The following PWWP2A variants were observed in gnomAD, a reference collection of about 807,000 sequenced individuals.
PWWP2A encodes the protein PWWP domain containing 2A, also known as PWWP domain-containing protein 2A.
PWWP2A carries 18 observed loss-of-function variants against 48.5 expected under a neutral mutation model. The observed-to-expected ratio is 0.37, with a 90% CI of 0.26 to 0.55. The LOEUF is 0.55. PWWP2A is among the 20% of genes least tolerant of loss of function. PWWP2A has a pLI of 0.81. For missense variants in PWWP2A, 867 were observed against 976.4 expected, an observed-to-expected ratio of 0.89 and a Z score of 1.49; for synonymous variants, 396 against 387.7, an observed-to-expected ratio of 1.02 and a Z score of -0.25.
chr5:160,075,990 C>CA lies in PWWP2A; in HGVS notation c.*2164dup, dbSNP rs533232706. On this transcript the variant is annotated 3_prime_UTR_variant, in exon 4 of 4. Coordinates refer to the PWWP2A transcript ENST00000456329. ...AAACAATTTTTATCATTCAAGTCTACAAAACAAAATAGGCTTATGAAGATT... is the reference window on the plus strand; with the variant it reads ...AAACAATTTTTATCATTCAAGTCTACAAAAACAAAATAGGCTTATGAAGATT... The CA allele has an allele frequency of 5.6e-3, 856 of 151,942 alleles. 13 individuals carry two copies. The highest frequency in any genetic ancestry group is 0.02 in the African/African-American group (819 of 41,424). 9.4% of individuals were successfully genotyped at this position (151,942 alleles called of 1,614,324 possible).
At chr5:160,095,960 T>C (rs1755606404) in intron 1 of PWWP2A, among the ~76,000 whole-genome samples, 1 of 152,112 alleles carries the variant, frequency 6.6e-6, no homozygotes, top group Non-Finnish European at 1.5e-5. Flanking sequence ...AGTGCTGGGA[T>C]TACAGACGTG....
At chr5:160,055,921 GCT>G in the PWWP2A span, among the ~76,000 whole-genome samples, 1 of 152,242 alleles carries the variant, frequency 6.6e-6, no homozygotes, top group African/African-American at 2.4e-5. Flanking sequence ...TCAGATCTCA[GCT>G]CTCTATTTGG....
chr5:160,053,428 C>G, the PWWP2A span, among the ~76,000 whole-genome samples: 1 of 152,018 alleles, frequency 6.6e-6, no homozygotes, highest in Non-Finnish European at 1.5e-5. Context: ...GCCAGGTGTG[C>G]TGGTGTGCAC....
chr5:160,112,006 A>G (rs1399682857), intron 1 of PWWP2A, among the ~76,000 whole-genome samples: 2 of 151,460 alleles, frequency 1.3e-5, no homozygotes, highest in Non-Finnish European at 2.9e-5. Context: ...ATGCACCTGT[A>G]GCTGCAGCTA....
chr5:160,071,487 G>A (rs1753737734), downstream of PWWP2A, among the ~76,000 whole-genome samples: 1 of 152,202 alleles, frequency 6.6e-6, no homozygotes, highest in African/African-American at 2.4e-5. Context: ...CAGTTCTGCA[G>A]AACTTGGGAT....
At chr5:160,095,957 G>A (rs1755606101) in intron 1 of PWWP2A, among the ~76,000 whole-genome samples, 1 of 151,908 alleles carries the variant, frequency 6.6e-6, no homozygotes, top group South Asian at 2.1e-4. Flanking sequence ...CAAAGTGCTG[G>A]GATTACAGAC....
the PWWP2A span, among the ~76,000 whole-genome samples, chr5:160,047,857 C>T: frequency 4.2e-3 from 644 of 152,248 alleles, 3 homozygotes; most frequent in African/African-American, 0.015. Flanking sequence ...CCTCATTTCT[C>T]GCTTCACTTG....
chr5:160,099,531 C>T (rs984552464), intron 1 of PWWP2A, among the ~76,000 whole-genome samples: 1 of 152,068 alleles, frequency 6.6e-6, no homozygotes, highest in African/African-American at 2.4e-5. Context: ...CTCCCTATGT[C>T]GCCCAGAGTA....
chr5:160,116,148 G>T (rs1758117212), intron 1 of PWWP2A, among the ~76,000 whole-genome samples: 1 of 152,084 alleles, frequency 6.6e-6, no homozygotes, highest in Admixed American at 6.6e-5. Context: ...TCCACCTCCA[G>T]GGCTCAAGAG....
At chr5:160,111,564 T>G (rs1757577028) in intron 1 of PWWP2A, among the ~76,000 whole-genome samples, 1 of 150,196 alleles carries the variant, frequency 6.7e-6, no homozygotes, top group African/African-American at 2.5e-5. Context: ...GACCCAGGAG[T>G]TCAAGGCTAC....
intron 2 of PWWP2A, among the ~76,000 whole-genome samples, chr5:160,081,908 T>C (rs2113473720): frequency 6.6e-6 from 1 of 152,328 alleles, no homozygotes; most frequent in Admixed American, 6.5e-5. Flanking sequence ...AATGCTAAGT[T>C]AAATTAGAAG....
At chr5:160,044,769 A>G in the PWWP2A span, among the ~76,000 whole-genome samples, 1 of 152,152 alleles carries the variant, frequency 6.6e-6, no homozygotes, top group Non-Finnish European at 1.5e-5. Flanking sequence ...GTGACTAAGA[A>G]TGCCTTAACC....
downstream of PWWP2A, among the ~76,000 whole-genome samples, chr5:160,087,415 A>G (rs920369334): frequency 1.3e-5 from 2 of 151,376 alleles, no homozygotes; most frequent in African/African-American, 2.4e-5. Flanking sequence ...CTGGGGCACC[A>G]ATTAGCATTG....
downstream of PWWP2A, chr5:160,089,670 TA>T (rs1754912539): frequency 7.8e-7 from 1 of 1,284,892 alleles, no homozygotes; most frequent in Middle Eastern, 2.1e-4. Context: ...TTTCCAGAAA[TA>T]AAGACATTCT....
rs1758495573 is a variant in PWWP2A, at chr5:160,119,397, T to C, written c.-9A>G. 3 of 1,327,558 alleles carry C rather than the reference T, an allele frequency of 2.3e-6. No homozygotes were observed. The highest frequency in any genetic ancestry group is 2.0e-4 in the Middle Eastern group (1 of 4,998). 82.2% of individuals were successfully genotyped at this position (1,327,558 alleles called of 1,614,324 possible). A position where few individuals can be genotyped will look rare whatever the true frequency, so the allele number is the denominator to read the frequency against. ...GCAGCCACGGCCGCCATTTTCTTCC[T>C]AGCTTCTCCCTCCTCCAACTCCGGC... On this transcript the variant is annotated 5_prime_UTR_variant, in exon 1 of 2. Coordinates refer to ENST00000307063, the MANE Select transcript of PWWP2A (RefSeq NM_001130864.2).
chr5:160,093,928 T>A lies in PWWP2A; in HGVS notation c.722A>T (p.Asp241Val). 2 of 1,614,062 alleles carry A rather than the reference T, an allele frequency of 1.2e-6. No individual in the cohort carries two copies. The highest frequency in any genetic ancestry group is 1.7e-6 in the Non-Finnish European group (2 of 1,179,900). The change falls in exon 2 of 2, where the codon GAT becomes GTT. Residue 241 changes from aspartate to valine, a missense_variant. By Grantham distance (152) the Asp-to-Val change is radical. Around this residue, in one of 4 missense-constraint regions of PWWP2A, gnomAD observed 385 missense variants for 396.9 expected, o/e 0.97. Coordinates refer to ENST00000307063, the MANE Select transcript of PWWP2A (RefSeq NM_001130864.2). The surrounding 1 kb of genome is among the most constrained non-coding windows in gnomAD (Gnocchi z 5.8). The stretch of plus-strand genomic sequence containing the variant: ...GGGATGCGGGACAGGAGAAGGGTCA[T>A]CGGGAACAGCACCATTTGCTTCACA... ...VKCEANGAVP[D>V]DPSPVPHPEL...
the PWWP2A span, among the ~76,000 whole-genome samples, chr5:160,045,507 CA>C: frequency 4.5e-5 from 4 of 88,400 alleles, no homozygotes; most frequent in Non-Finnish European, 4.6e-5. Flanking sequence ...CACACACACA[CA>C]CACACATACA....
chr5:160,051,082 G>GTTTTT, the PWWP2A span: 2 of 1,236,514 alleles, frequency 1.6e-6, no homozygotes, highest in Non-Finnish European at 2.2e-6. Flanking sequence ...AAAGGTTTTG[G>GTTTTT]TTTTTTTTTT....
intron 2 of PWWP2A, among the ~76,000 whole-genome samples, chr5:160,083,598 CT>C (rs1754401816): frequency 6.6e-6 from 1 of 152,196 alleles, no homozygotes; most frequent in Non-Finnish European, 1.5e-5. Flanking sequence ...GTTCTAACAT[CT>C]TTGTGAAGTT....
Sources: allele counts gnomAD v4.1 joint callset (sites outside exome capture counted in the v4.1 genomes callset), GRCh38; gene constraint gnomAD v4.1.1; regional missense constraint gnomAD v4.1.1; non-coding constraint Gnocchi (gnomAD v3.1); transcripts MANE v1.5; gene names NCBI Gene and HGNC (gene_info 2026-07-23, HGNC 2026-07-21).